CHAT: variants seen among roughly 807,000 people sequenced by gnomAD.
CHAT encodes the protein choline O-acetyltransferase.
A neutral mutation model predicts 76.9 loss-of-function variants in CHAT; 61 were observed. The observed-to-expected ratio is 0.79, with a 90% CI of 0.65 to 0.98. The LOEUF (loss-of-function observed/expected upper bound fraction) is 0.98, where lower values mean the gene tolerates loss of function less well. CHAT is among the 50% of genes least tolerant of loss of function. The pLI is 0.00. For synonymous variants in CHAT, 407 were observed against 397.4 expected, an observed-to-expected ratio of 1.02 and a Z score of -0.29; for missense variants, 946 against 986.9, an observed-to-expected ratio of 0.96 and a Z score of 0.56.
chr10:49,614,561 G>T (rs1475960368), intron 1 of CHAT, 86 bp downstream of exon 1: 1 of 1,191,712 alleles, frequency 8.4e-7, no homozygotes, highest in Admixed American at 2.1e-5. Context: ...GGACAGCACC[G>T]GGGCCGAGAG....
chr10:49,623,095 T>C (rs1437702942), intron 5 of CHAT, among the ~76,000 whole-genome samples: 1 of 152,202 alleles, frequency 6.6e-6, no homozygotes, highest in Non-Finnish European at 1.5e-5. Context: ...CTAAATGCCA[T>C]GGGTCACTAG....
chr10:49,616,595 A>G lies in CHAT; in HGVS notation c.380A>G (p.Glu127Gly), dbSNP rs1838506575. The G allele has an allele frequency of 1.2e-6, 2 of 1,607,200 alleles. No homozygotes were observed. Among genetic ancestry groups the G allele is most frequent in the African/African-American group, 2.7e-5 (2 of 74,722 alleles). Residue 127 changes from glutamate to glycine, a missense_variant, in exon 2 of 15, where the codon GAG (glutamate) becomes GGG (glycine). This residue lies in a region of CHAT where 548 missense variants were observed against 516.2 expected (regional missense o/e 1.06). Transcript: ENST00000337653. ...RKMAAKTPSSEESGLPKLPVP... is the reference protein window; with the variant it reads ...RKMAAKTPSSGESGLPKLPVP... ...ATGGCAGCAAAAACTCCCAGCAGTG[A>G]GGAGTCTGTGAGTGACTTTTGGAGC... is the stretch of plus-strand genomic sequence containing the variant.
intron 7 of CHAT, among the ~76,000 whole-genome samples, chr10:49,646,196 C>A (rs1053116129): frequency 1.3e-5 from 2 of 152,346 alleles, no homozygotes; most frequent in Admixed American, 1.3e-4. Context: ...AAGCATCCCG[C>A]TTCATCTTGG....
chr10:49,638,011 C>T (rs1203949913), intron 7 of CHAT, among the ~76,000 whole-genome samples: 1 of 152,156 alleles, frequency 6.6e-6, no homozygotes, highest in Non-Finnish European at 1.5e-5. Flanking sequence ...TCTGTCTAGT[C>T]GTTCTAACAA....
At chr10:49,620,010 C>A in intron 3 of CHAT, 94 bp downstream of exon 3, 1 of 1,308,714 alleles carries the variant, frequency 7.6e-7, no homozygotes, top group Non-Finnish European at 1.1e-6. Flanking sequence ...GGGACAAAGA[C>A]AGGGCAGAAG....
At chr10:49,620,671 T>C (rs577877156) in intron 4 of CHAT, 58 bp downstream of exon 4, 6 of 1,353,898 alleles carry the variant, frequency 4.4e-6, no homozygotes, top group South Asian at 1.2e-5. Flanking sequence ...CAGGGGCCCT[T>C]ACCCCAGTGC....
intron 7 of CHAT, among the ~76,000 whole-genome samples, chr10:49,628,374 G>A (rs1463723347): frequency 3.9e-5 from 6 of 152,326 alleles, no homozygotes; most frequent in South Asian, 4.1e-4. Flanking sequence ...AGGAGCTGAT[G>A]GAATGCTCTC....
chr10:49,662,834 T>C, intron 14 of CHAT, 52 bp downstream of exon 14: 1 of 1,611,810 alleles, frequency 6.2e-7, no homozygotes, highest in African/African-American at 1.3e-5. Context: ...GTAAGCTTTC[T>C]AAAGAGCAGT....
chr10:49,642,539 C>A (rs755881769), intron 7 of CHAT, among the ~76,000 whole-genome samples: 101 of 152,312 alleles, frequency 6.6e-4, no homozygotes, highest in Non-Finnish European at 1.2e-3. Context: ...GGCAGTGATG[C>A]CCAGGGAGCC....
chr10:49,619,980 T>A, intron 3 of CHAT, 64 bp downstream of exon 3: 2 of 1,519,130 alleles, frequency 1.3e-6, no homozygotes, highest in Non-Finnish European at 1.8e-6. Context: ...GACAGAGGGA[T>A]CTCGGTGAGA....
At chr10:49,622,713 C>T (rs931042457) in intron 5 of CHAT, among the ~76,000 whole-genome samples, 2 of 152,116 alleles carry the variant, frequency 1.3e-5, no homozygotes, top group African/African-American at 4.8e-5. Flanking sequence ...GTCTGGAGGA[C>T]CCAAGTCTCT....
At chr10:49,652,124 G>A in intron 11 of CHAT, 118 bp downstream of exon 11, 1 of 1,342,090 alleles carries the variant, frequency 7.5e-7, no homozygotes, top group Non-Finnish European at 1.1e-6. Flanking sequence ...TGGAAGACTG[G>A]AGAGGGACTG....
chr10:49,648,383 TA>T (rs2132807833), intron 8 of CHAT, 123 bp from the exon 9 acceptor site: 1 of 719,880 alleles, frequency 1.4e-6, no homozygotes, highest in South Asian at 1.5e-5. Flanking sequence ...CTTCAGGAAA[TA>T]ATGTGCTCTG....
chr10:49,611,703 G>A (rs1470513070), upstream of CHAT: 1 of 1,608,810 alleles, frequency 6.2e-7, no homozygotes, highest in Non-Finnish European at 8.5e-7. Flanking sequence ...ATACGATGGC[G>A]GCTTCCGAGT....
chr10:49,645,950 A>C (rs1184594977), intron 7 of CHAT, among the ~76,000 whole-genome samples: 2 of 152,232 alleles, frequency 1.3e-5, no homozygotes, highest in Admixed American at 1.3e-4. Flanking sequence ...CCTCTGAACC[A>C]ACAGCTTGGG....
At chr10:49,615,285 C>T (rs1056721719) in intron 1 of CHAT, among the ~76,000 whole-genome samples, 2 of 152,242 alleles carry the variant, frequency 1.3e-5, no homozygotes, top group Non-Finnish European at 2.9e-5. Context: ...TGAATCCTCA[C>T]CAGGACGCCA....
intron 5 of CHAT, among the ~76,000 whole-genome samples, chr10:49,622,821 T>C (rs1020954012): frequency 6.6e-6 from 1 of 152,002 alleles, no homozygotes; most frequent in Admixed American, 6.5e-5. Context: ...CTCAGAGAGG[T>C]TAAGTAACTC....
At position 49,655,046 on chromosome 10, in the gene CHAT, T is replaced by C. The variant is rs770585291; in HGVS notation, c.1635-49T>C. On this transcript the variant is annotated intron_variant, in intron 11 of 14. Transcript: ENST00000337653. ...GCAATTTTTCTTTCCGAGTTTATGA[T>C]TTCCCAAGAATAAATTACCATGTGC... 4 of 1,609,138 alleles carry C rather than the reference T, an allele frequency of 2.5e-6. No individual in the cohort carries two copies. The South Asian group carries it at 3.3e-5, about 13-fold the overall frequency.
At chr10:49,644,238 C>T (rs772133806) in intron 7 of CHAT, among the ~76,000 whole-genome samples, 2 of 152,112 alleles carry the variant, frequency 1.3e-5, no homozygotes, top group African/African-American at 2.4e-5. Flanking sequence ...GATGGGATGT[C>T]CACAGGATCA....
Sources: allele counts gnomAD v4.1 joint callset (sites outside exome capture counted in the v4.1 genomes callset), GRCh38; gene constraint gnomAD v4.1.1; regional missense constraint gnomAD v4.1.1; transcripts MANE v1.5; gene names NCBI Gene and HGNC (gene_info 2026-07-23, HGNC 2026-07-21).